FTO: variants seen among roughly 807,000 people sequenced by gnomAD.
FTO encodes alpha-ketoglutarate-dependent dioxygenase FTO.
Under a neutral mutation model 63.9 loss-of-function variants are expected in FTO, and 47 were observed. The observed-to-expected ratio is 0.74, with a 90% CI of 0.58 to 0.94. The LOEUF (loss-of-function observed/expected upper bound fraction) is 0.94. Among genes scored for constraint, FTO ranks in the 40% least tolerant of loss-of-function variants. The pLI is 0.00. For missense variants in FTO, 562 were observed against 618.1 expected (o/e 0.91, Z 0.96); for synonymous variants, 207 against 224.4 (o/e 0.92, Z 0.69).
chr16:53,833,849 AT>A (rs1430511619), intron 3 of FTO, among the ~76,000 whole-genome samples: 2 of 152,060 alleles, frequency 1.3e-5, no homozygotes, highest in Admixed American at 6.5e-5. Flanking sequence ...ACATCTTTTC[AT>A]GTTCTTAGCC....
At position 53,856,074 on chromosome 16, in the gene FTO, A is replaced by G. The variant is rs764763132; in HGVS notation, c.895+11776A>G. Reference sequence around the variant, plus strand: ...CACCTGTCTATTGAACATAATTCCCAAAGGCATGAGCTATAGAAAATTTTT... The same window carrying G: ...CACCTGTCTATTGAACATAATTCCCGAAGGCATGAGCTATAGAAAATTTTT... On this transcript the variant is annotated intron_variant, in intron 4 of 8. Coordinates refer to ENST00000471389, the MANE Select transcript of FTO (RefSeq NM_001080432.3). 3.6e-4 allele frequency among the ~76,000 whole-genome samples: 53 copies of G among 148,346 alleles called. 1 individual carries two copies. The highest frequency in any genetic ancestry group is 6.1e-4 in the Admixed American group (9 of 14,670).
intron 8 of FTO, among the ~76,000 whole-genome samples, chr16:54,029,790 T>C (rs2084789470): frequency 6.6e-6 from 1 of 152,190 alleles, no homozygotes; most frequent in East Asian, 1.9e-4. Flanking sequence ...CATCAATAAC[T>C]GAGTGCCACA....
intron 1 of FTO, among the ~76,000 whole-genome samples, chr16:53,804,630 A>ACC (rs2078310417): frequency 2.9e-5 from 3 of 102,320 alleles, no homozygotes; most frequent in Non-Finnish European, 6.1e-5. Context: ...CTTCTTATTG[A>ACC]TCTTTTTTTT....
At chr16:53,991,190 C>T (rs2143905428) in intron 8 of FTO, 1 of 152,310 alleles carries the variant, frequency 6.6e-6, no homozygotes, top group Non-Finnish European at 1.5e-5. Flanking sequence ...AGCGTGTGTC[C>T]TTATTTTCCT....
chr16:53,744,772 G>A (rs1002919768), intron 1 of FTO, among the ~76,000 whole-genome samples: 12 of 152,174 alleles, frequency 7.9e-5, no homozygotes, highest in African/African-American at 2.6e-4. Flanking sequence ...AAAGCTTAAC[G>A]TGAAGTAATT....
chr16:53,851,195 C>A (rs1161386634), intron 4 of FTO, among the ~76,000 whole-genome samples: 1 of 151,212 alleles, frequency 6.6e-6, no homozygotes, highest in Non-Finnish European at 1.5e-5. Context: ...CGCCTGTAAT[C>A]CCAGCACTTT....
intron 7 of FTO, among the ~76,000 whole-genome samples, chr16:53,928,913 G>A (rs554170772): frequency 6.6e-4 from 101 of 151,900 alleles, no homozygotes; most frequent in Non-Finnish European, 1.2e-3. Context: ...GCATGATCCC[G>A]GCTCACTACA....
At chr16:54,079,594 A>G (rs1599330647) in intron 8 of FTO, among the ~76,000 whole-genome samples, 1 of 152,314 alleles carries the variant, frequency 6.6e-6, no homozygotes, top group East Asian at 1.9e-4. Flanking sequence ...AGTGCAATAG[A>G]GAGGCAACCC....
Position 54,111,403 on chromosome 16 carries a change from C to T in FTO, c.1365-359C>T, listed in dbSNP as rs150439495. 5.9e-5 allele frequency among the ~76,000 whole-genome samples: 9 copies of T among 152,276 alleles called. No homozygotes were observed. The East Asian group carries it at 1.7e-3, about 29-fold the overall frequency. On this transcript the variant is annotated intron_variant, in intron 8 of 8. Coordinates refer to ENST00000471389, the MANE Select transcript of FTO (RefSeq NM_001080432.3). Reference sequence around the variant, plus strand: ...TAGTAATACATTGAAATCCCACAAACATTTAAATCTGATAATGGCTTAATC... The same window carrying T: ...TAGTAATACATTGAAATCCCACAAATATTTAAATCTGATAATGGCTTAATC...
At chr16:53,751,523 A>G (rs769192439) in intron 1 of FTO, among the ~76,000 whole-genome samples, 1 of 152,196 alleles carries the variant, frequency 6.6e-6, no homozygotes, top group Non-Finnish European at 1.5e-5. Context: ...TGTTGAAAAC[A>G]TTATTCTAAG....
At chr16:53,932,438 AGAGT>A (rs2082306417) in intron 7 of FTO, among the ~76,000 whole-genome samples, 2 of 148,892 alleles carry the variant, frequency 1.3e-5, no homozygotes. Flanking sequence ...TGCCCAGGCT[AGAGT>A]ACAGTGGTGT....
intron 8 of FTO, among the ~76,000 whole-genome samples, chr16:54,015,717 A>G (rs2084428420): frequency 6.6e-6 from 1 of 152,156 alleles, no homozygotes. Context: ...GCTTCACATA[A>G]ATTATTTCAT....
intron 8 of FTO, among the ~76,000 whole-genome samples, chr16:53,950,054 G>A (rs973489493): frequency 9.7e-5 from 13 of 134,192 alleles, no homozygotes; most frequent in Non-Finnish European, 2.0e-4. Context: ...GGGGGGGAAA[G>A]TAAAGGTTTA....
chr16:53,890,302 A>T (rs1299504514), intron 7 of FTO, among the ~76,000 whole-genome samples: 1 of 152,174 alleles, frequency 6.6e-6, no homozygotes, highest in East Asian at 1.9e-4. Context: ...GTACGTATTT[A>T]ATGTGTACAA....
chr16:53,814,109 G>A (rs920489676), intron 2 of FTO, among the ~76,000 whole-genome samples: 2 of 152,134 alleles, frequency 1.3e-5, no homozygotes, highest in Non-Finnish European at 2.9e-5. Context: ...CCACCTCTTG[G>A]TCTACCATGC....
intron 8 of FTO, among the ~76,000 whole-genome samples, chr16:54,009,332 CA>C (rs1357575267): frequency 3.9e-5 from 6 of 152,114 alleles, no homozygotes; most frequent in Admixed American, 1.3e-4. Context: ...AACTTCTCTG[CA>C]AGTTTAAAAT....
chr16:54,024,132 A>C (rs2084660045), intron 8 of FTO, among the ~76,000 whole-genome samples: 1 of 152,216 alleles, frequency 6.6e-6, no homozygotes, highest in Non-Finnish European at 1.5e-5. Context: ...TCTTGAATAT[A>C]ATATTACAAA....
chr16:53,940,832 T>A (rs2082511480), intron 8 of FTO, among the ~76,000 whole-genome samples: 1 of 152,244 alleles, frequency 6.6e-6, no homozygotes, highest in South Asian at 2.1e-4. Flanking sequence ...CATTTTTTTC[T>A]GGACTGGTAA....
At chr16:54,088,502 T>C (rs1342799031) in intron 8 of FTO, among the ~76,000 whole-genome samples, 1 of 152,240 alleles carries the variant, frequency 6.6e-6, no homozygotes, top group African/African-American at 2.4e-5. Flanking sequence ...ATGTTTCTAC[T>C]GACCTGATCA....
Sources: gnomAD v4.1 joint callset for allele counts (sites outside exome capture counted in the v4.1 genomes callset) on GRCh38, gnomAD v4.1.1 for gene constraint, MANE v1.5 for transcripts, NCBI Gene and HGNC (gene_info 2026-07-23, HGNC 2026-07-21) for gene names.